DCT: variants seen among roughly 807,000 people sequenced by gnomAD.
DCT encodes L-dopachrome tautomerase.
Under a neutral mutation model 53.0 loss-of-function variants are expected in DCT, and 47 were observed. The observed-to-expected ratio is 0.89, with a 90% CI of 0.70 to 1.13. The LOEUF (loss-of-function observed/expected upper bound fraction) is 1.13. DCT is among the 50% of genes most tolerant of loss of function. The pLI is 0.00. For missense variants in DCT, 669 were observed against 637.4 expected, an observed-to-expected ratio of 1.05 and a Z score of -0.53; for synonymous variants, 244 against 237.0, an observed-to-expected ratio of 1.03 and a Z score of -0.27.
chr13:94,497,078 T>G, the DCT span, among the ~76,000 whole-genome samples: 1 of 152,260 alleles, frequency 6.6e-6, no homozygotes, highest in African/African-American at 2.4e-5. Context: ...TAAACATTTT[T>G]CTGGATATTT....
Position 94,438,704 on chromosome 13 carries a change from T to C in DCT, c.*1194A>G. On this transcript the variant is annotated 3_prime_UTR_variant, in exon 8 of 8. Coordinates refer to ENST00000377028, the MANE Select transcript of DCT (RefSeq NM_001922.5). ...TCCATCATGATAAGTCTGAACATCG[T>C]AGTAAAGATTGTCTCATTCTTATTC... The C allele has an allele frequency of 1.1e-5, 5 of 454,586 alleles. No individual in the cohort carries two copies. Among genetic ancestry groups the C allele is most frequent in the South Asian group, 7.8e-5 (5 of 64,112 alleles). 28.2% of individuals were successfully genotyped at this position (454,586 alleles called of 1,614,324 possible). A position where few individuals can be genotyped will look rare whatever the true frequency, so the allele number is the denominator to read the frequency against.
the DCT span, among the ~76,000 whole-genome samples, chr13:94,500,177 A>G: frequency 6.6e-6 from 1 of 152,232 alleles, no homozygotes; most frequent in African/African-American, 2.4e-5. Flanking sequence ...CTCACTTCCC[A>G]TCCCTGACAA....
chr13:94,474,722 C>T (rs895858699), intron 1 of DCT, among the ~76,000 whole-genome samples: 4 of 152,156 alleles, frequency 2.6e-5, no homozygotes, highest in Non-Finnish European at 5.9e-5. Flanking sequence ...CAATTAAGCT[C>T]AGTGGCTTTT....
At chr13:94,547,992 T>A in the DCT span, among the ~76,000 whole-genome samples, 940 of 125,636 alleles carry the variant, frequency 7.5e-3, 5 homozygotes, top group Non-Finnish European at 0.011. Context: ...AAAATATATA[T>A]ATATATATAT....
chr13:94,476,777 T>A (rs1885118880), intron 1 of DCT, among the ~76,000 whole-genome samples: 1 of 152,088 alleles, frequency 6.6e-6, no homozygotes, highest in African/African-American at 2.4e-5. Context: ...ACTTTTTCAT[T>A]GATTGACATA....
chr13:94,549,288 A>G, the DCT span, among the ~76,000 whole-genome samples: 1 of 152,252 alleles, frequency 6.6e-6, no homozygotes, highest in African/African-American at 2.4e-5. Context: ...CCCCGTGGAC[A>G]GACCAGACCT....
intron 2 of DCT, 73 bp downstream of exon 2, chr13:94,468,673 A>T: frequency 2.3e-6 from 3 of 1,310,960 alleles, no homozygotes; most frequent in Non-Finnish European, 3.2e-6. Flanking sequence ...GCATGAAATT[A>T]CTTCCCACTG....
chr13:94,549,156 T>C, the DCT span, among the ~76,000 whole-genome samples: 2 of 152,248 alleles, frequency 1.3e-5, no homozygotes, highest in Admixed American at 1.3e-4. Context: ...TAACCAGCAC[T>C]GGGTTCCGCT....
chr13:94,472,541 T>C (rs1594318548), intron 1 of DCT, among the ~76,000 whole-genome samples: 6 of 27,968 alleles, frequency 2.1e-4, no homozygotes, highest in African/African-American at 5.2e-4. Flanking sequence ...TATATATATA[T>C]ATATATATAT....
chr13:94,463,901 G>C (rs1185357209), intron 4 of DCT, among the ~76,000 whole-genome samples: 2 of 152,180 alleles, frequency 1.3e-5, no homozygotes, highest in Non-Finnish European at 2.9e-5. Flanking sequence ...TGGGATGTCC[G>C]GTGAAGTAAG....
At chr13:94,470,377 T>C (rs1289695233) in intron 1 of DCT, among the ~76,000 whole-genome samples, 3 of 152,208 alleles carry the variant, frequency 2.0e-5, no homozygotes, top group African/African-American at 7.2e-5. Context: ...GATCAAGCTC[T>C]GGGCATCTCT....
the DCT span, among the ~76,000 whole-genome samples, chr13:94,549,394 C>G: frequency 2.0e-5 from 3 of 152,204 alleles, no homozygotes; most frequent in African/African-American, 4.8e-5. Context: ...CTTCCGGCGC[C>G]GAGGGTGCCT....
upstream of DCT, among the ~76,000 whole-genome samples, chr13:94,482,444 C>A (rs936332859): frequency 6.6e-6 from 1 of 152,288 alleles, no homozygotes; most frequent in African/African-American, 2.4e-5. Context: ...CTCAGAGAGG[C>A]CTTCCATGAT....
At chr13:94,498,065 AACAG>A in the DCT span, among the ~76,000 whole-genome samples, 2 of 152,234 alleles carry the variant, frequency 1.3e-5, no homozygotes, top group Non-Finnish European at 2.9e-5. Flanking sequence ...AATCGAGGAC[AACAG>A]CCAGACAGAA....
intron 1 of DCT, among the ~76,000 whole-genome samples, chr13:94,475,976 C>CG (rs140654196): frequency 0.051 from 7,808 of 152,158 alleles, 298 homozygotes; most frequent in Non-Finnish European, 0.079. Flanking sequence ...GAGCAGATCA[C>CG]GGGGGGAGGT....
the DCT span, among the ~76,000 whole-genome samples, chr13:94,539,576 T>C: frequency 6.6e-6 from 1 of 152,234 alleles, no homozygotes; most frequent in Non-Finnish European, 1.5e-5. Flanking sequence ...TTTATGGTTT[T>C]ATTTATTTTA....
intron 6 of DCT, among the ~76,000 whole-genome samples, chr13:94,453,466 T>A (rs1883225756): frequency 6.6e-6 from 1 of 152,176 alleles, no homozygotes; most frequent in South Asian, 2.1e-4. Flanking sequence ...TGTTATTTTA[T>A]TTTTTTACAA....
At chr13:94,457,391 G>A (rs1375711986) in intron 6 of DCT, among the ~76,000 whole-genome samples, 1 of 152,214 alleles carries the variant, frequency 6.6e-6, no homozygotes, top group East Asian at 1.9e-4. Flanking sequence ...ACTATATGAG[G>A]ATGCAGCTAG....
At chr13:94,514,672 G>A in the DCT span, among the ~76,000 whole-genome samples, 1 of 152,334 alleles carries the variant, frequency 6.6e-6, no homozygotes, top group South Asian at 2.1e-4. Flanking sequence ...TGTGAGAAAG[G>A]CTGGGCCTTT....
Sources: gnomAD v4.1 joint callset for allele counts (sites outside exome capture counted in the v4.1 genomes callset) on GRCh38, gnomAD v4.1.1 for gene constraint, MANE v1.5 for transcripts, NCBI Gene and HGNC (gene_info 2026-07-23, HGNC 2026-07-21) for gene names.